The following ARHGAP21 variants were observed in gnomAD, a reference collection of about 807,000 sequenced individuals.
ARHGAP21 encodes the protein rho GTPase-activating protein 21.
ARHGAP21 carries 38 observed loss-of-function variants against 164.6 expected under a neutral mutation model. The observed-to-expected ratio is 0.23, with a 90% CI of 0.18 to 0.30. ARHGAP21 has a LOEUF of 0.30. Ranked by LOEUF, ARHGAP21 falls within the 10% of genes least tolerant of loss-of-function variation. The probability of loss-of-function intolerance (pLI) is 1.00; values close to 1 mark genes in which losing one functional copy is unlikely to be tolerated. For synonymous variants in ARHGAP21, 766 were observed against 857.9 expected (o/e 0.89, Z 1.87); for missense variants, 1,822 against 2,370.7 (o/e 0.77, Z 4.81).
chr10:24,634,731 A>C (rs1836198143), intron 5 of ARHGAP21, among the ~76,000 whole-genome samples: 1 of 152,240 alleles, frequency 6.6e-6, no homozygotes, highest in Non-Finnish European at 1.5e-5. Flanking sequence ...AATTCAATGC[A>C]TGCAAAATTT....
In ARHGAP21 at chr10:24,682,795, T is replaced by C. The variant is rs528433647; in HGVS notation, c.64-12398A>G. On this transcript the variant is annotated intron_variant, in intron 2 of 25. Coordinates refer to ENST00000396432, the MANE Select transcript of ARHGAP21 (RefSeq NM_020824.4). Reference sequence around the variant, plus strand: ...TTTTCCCAAAAAGTAATTCTGTTTTTCAGCGGGTATTGAACATTTAAGAGA... The same window carrying C: ...TTTTCCCAAAAAGTAATTCTGTTTTCCAGCGGGTATTGAACATTTAAGAGA... Among the ~76,000 whole-genome samples, 5 of 152,188 alleles carry C rather than the reference T, an allele frequency of 3.3e-5. No individual in the cohort carries two copies. In the East Asian group the frequency reaches 9.6e-4, roughly 29 times the overall value.
chr10:24,622,572 G>A (rs1240283223), intron 8 of ARHGAP21, among the ~76,000 whole-genome samples, 161 bp downstream of exon 8: 3 of 149,860 alleles, frequency 2.0e-5, no homozygotes, highest in East Asian at 3.9e-4. Flanking sequence ...AATAAGGATG[G>A]CAAACCATCT....
intron 21 of ARHGAP21, among the ~76,000 whole-genome samples, chr10:24,594,434 G>A (rs2130813838): frequency 6.6e-6 from 1 of 152,146 alleles, no homozygotes. Context: ...GAGCCCAGAA[G>A]TTTGAGACTA....
At chr10:24,631,071 C>T (rs1329024108) in intron 6 of ARHGAP21, among the ~76,000 whole-genome samples, 1 of 152,150 alleles carries the variant, frequency 6.6e-6, no homozygotes, top group African/African-American at 2.4e-5. Flanking sequence ...ATCCTGTGAT[C>T]TGGAGGTACA....
chr10:24,680,673 C>T (rs1325801951), intron 2 of ARHGAP21, among the ~76,000 whole-genome samples: 1 of 152,144 alleles, frequency 6.6e-6, no homozygotes, highest in Non-Finnish European at 1.5e-5. Flanking sequence ...TGGGCCTTCA[C>T]AGAAGCGGAA....
chr10:24,712,242 A>C (rs1305571103), intron 2 of ARHGAP21, among the ~76,000 whole-genome samples: 21 of 152,068 alleles, frequency 1.4e-4, no homozygotes. Context: ...GAATTACCTA[A>C]ATCCAGTGAC....
intron 25 of ARHGAP21, among the ~76,000 whole-genome samples, chr10:24,588,202 CTGAG>C (rs2076183935): frequency 6.6e-6 from 1 of 152,124 alleles, no homozygotes; most frequent in South Asian, 2.1e-4. Flanking sequence ...CCTCAGTTTC[CTGAG>C]TATGAAAATT....
intron 3 of ARHGAP21, 37 bp from the exon 4 acceptor site, chr10:24,667,046 A>G (rs767324031): frequency 1.7e-6 from 2 of 1,146,736 alleles, no homozygotes; most frequent in East Asian, 5.6e-5. Flanking sequence ...ATATGAGTAC[A>G]TATTTATAAA....
Position 24,690,840 on chromosome 10 carries a change from AT to A in ARHGAP21, c.64-20444del, listed in dbSNP as rs1485256650. On this transcript the variant is annotated intron_variant, in intron 2 of 25. Transcript: ENST00000396432. ...GAGACTCCATCTCAAAAAAAAAAAT[AT>A]ATATATATATATACACATATATATA... 1.5e-3 allele frequency among the ~76,000 whole-genome samples: 218 copies of A among 144,042 alleles called. 4 individuals carry two copies. The East Asian group carries it at 0.037, about 24-fold the overall frequency. The allele number at this position is 144,042 out of a possible 152,430, so 94.5% of individuals were successfully genotyped here.
chr10:24,666,410 C>T (rs755354623), intron 4 of ARHGAP21, among the ~76,000 whole-genome samples: 1 of 152,144 alleles, frequency 6.6e-6, no homozygotes, highest in Non-Finnish European at 1.5e-5. Flanking sequence ...ATTTTTGCAA[C>T]TTTGTTGTCT....
At chr10:24,716,650 T>C (rs1337777135) in intron 2 of ARHGAP21, among the ~76,000 whole-genome samples, 1 of 152,162 alleles carries the variant, frequency 6.6e-6, no homozygotes, top group Non-Finnish European at 1.5e-5. Flanking sequence ...GAGAAGCCAT[T>C]TGAGGAATTT....
At position 24,589,252 on chromosome 10, in the gene ARHGAP21, A is replaced by C; in HGVS notation, c.4182+19T>G. 6.3e-7 allele frequency: 1 copy of C among 1,595,032 alleles called. No homozygotes were observed. Among genetic ancestry groups the C allele is most frequent in the Non-Finnish European group, 8.6e-7 (1 of 1,165,102 alleles). On this transcript the variant is annotated intron_variant, in intron 25 of 25. Transcript: ENST00000396432. Reference sequence around the variant, plus strand: ...ACAATTCCCCCCTAAAATATTTCAAATTGTATGAAACAATTTACCTTAGAT... The same window carrying C: ...ACAATTCCCCCCTAAAATATTTCAACTTGTATGAAACAATTTACCTTAGAT...
At chr10:24,671,405 A>G (rs1445521055) in intron 2 of ARHGAP21, among the ~76,000 whole-genome samples, 1 of 151,820 alleles carries the variant, frequency 6.6e-6, no homozygotes, top group Non-Finnish European at 1.5e-5. Context: ...CCCCACCCTC[A>G]CCTGCAGCAG....
chr10:24,646,255 G>A (rs1837559256), intron 4 of ARHGAP21, among the ~76,000 whole-genome samples: 1 of 152,060 alleles, frequency 6.6e-6, no homozygotes, highest in Non-Finnish European at 1.5e-5. Flanking sequence ...TAACTAGCTG[G>A]AGAGCAATCA....
At chr10:24,624,337 C>CTT (rs565872094) in intron 7 of ARHGAP21, among the ~76,000 whole-genome samples, 26 of 102,864 alleles carry the variant, frequency 2.5e-4, no homozygotes, top group Admixed American at 4.8e-4. Context: ...TGTTCTAGAA[C>CTT]TTTTTTTTTT....
intron 2 of ARHGAP21, among the ~76,000 whole-genome samples, chr10:24,688,356 G>C (rs891773933): frequency 1.3e-5 from 2 of 151,942 alleles, no homozygotes; most frequent in Non-Finnish European, 2.9e-5. Context: ...TGGCACCACT[G>C]AACTCCAGCC....
chr10:24,616,273 G>A (rs1833939550), intron 9 of ARHGAP21, among the ~76,000 whole-genome samples: 1 of 152,148 alleles, frequency 6.6e-6, no homozygotes, highest in Non-Finnish European at 1.5e-5. Flanking sequence ...TTTATAAACA[G>A]ACTATTTGCT....
At chr10:24,634,262 T>C (rs1195070114) in intron 5 of ARHGAP21, among the ~76,000 whole-genome samples, 3 of 152,114 alleles carry the variant, frequency 2.0e-5, no homozygotes, top group African/African-American at 4.8e-5. Flanking sequence ...AGGTGGGTAA[T>C]ACATTAACAG....
At chr10:24,658,666 T>C (rs1839346489) in intron 4 of ARHGAP21, among the ~76,000 whole-genome samples, 1 of 152,038 alleles carries the variant, frequency 6.6e-6, no homozygotes, top group East Asian at 1.9e-4. Context: ...CTTCACACAC[T>C]GGGGCCTGTT....
Sources: gnomAD v4.1 joint callset for allele counts (sites outside exome capture counted in the v4.1 genomes callset) on GRCh38, gnomAD v4.1.1 for gene constraint, MANE v1.5 for transcripts, NCBI Gene and HGNC (gene_info 2026-07-23, HGNC 2026-07-21) for gene names.